The following GDI2 variants were observed in gnomAD, a reference collection of about 807,000 sequenced individuals.
The protein encoded by GDI2 is rab GDP dissociation inhibitor beta.
Under a neutral mutation model 54.2 loss-of-function variants are expected in GDI2, and 22 were observed. The observed-to-expected ratio is 0.41, with a 90% confidence interval of 0.29 to 0.58. The LOEUF (loss-of-function observed/expected upper bound fraction) is 0.58, where lower values mean the gene tolerates loss of function less well. GDI2 is among the 20% of genes least tolerant of loss of function. GDI2 has a pLI of 0.35. For missense variants in GDI2, 422 were observed against 546.0 expected (o/e 0.77, Z 2.26); for synonymous variants, 177 against 182.1 (o/e 0.97, Z 0.23).
intron 1 of GDI2, among the ~76,000 whole-genome samples, chr10:5,811,019 G>A (rs1248606889): frequency 3.3e-5 from 5 of 152,162 alleles, no homozygotes; most frequent in African/African-American, 1.2e-4. Flanking sequence ...AGGCACTAAA[G>A]TAAATTTTAA....
At chr10:5,795,132 AAAT>A in intron 3 of GDI2, 113 bp from the exon 4 acceptor site, 1 of 683,954 alleles carries the variant, frequency 1.5e-6, no homozygotes, top group South Asian at 1.8e-5. Flanking sequence ...AACTCCAACA[AAAT>A]AATTTTTTTT....
rs1029295030 is a variant in GDI2 at position 5,768,481 on chromosome 10, T to TCAA, written c.820-100_820-98dup. The stretch of plus-strand genomic sequence containing the variant: ...TGGAAGACTTAGTATTGTTAAGATA[T>TCAA]CAAAAACCATCCTCAAGTTCATATT... On this transcript the variant is annotated intron_variant, in intron 7 of 10. Coordinates refer to ENST00000380191, the MANE Select transcript of GDI2 (RefSeq NM_001494.4). This position sits in a 1 kb window ranked among gnomAD's most constrained non-coding sequence, Gnocchi z 4.4. 4.0e-6 allele frequency: 3 copies of TCAA among 743,670 alleles called. No individual in the cohort carries two copies. In the African/African-American group the frequency reaches 5.3e-5, roughly 13 times the overall value. 46.1% of individuals were successfully genotyped at this position (743,670 alleles called of 1,614,324 possible). A position where few individuals can be genotyped will look rare whatever the true frequency, so the allele number is the denominator to read the frequency against.
rs991271558 is a variant in GDI2, at chr10:5,774,630, C to A, written c.720-689G>T. Reference sequence around the variant, plus strand: ...TCGCTCACCCTGATGGATGGCTCTTCGGGGTCCACACTGAGCAGACCTGAG... The same window carrying A: ...TCGCTCACCCTGATGGATGGCTCTTAGGGGTCCACACTGAGCAGACCTGAG... On this transcript the variant is annotated intron_variant, in intron 6 of 10. Transcript: ENST00000380191. The surrounding 1 kb of genome is among the most constrained non-coding windows in gnomAD (Gnocchi z 4.8). Among the ~76,000 whole-genome samples, 1 of 152,134 alleles carries A rather than the reference C, an allele frequency of 6.6e-6. No individual in the cohort carries two copies. The highest frequency in any genetic ancestry group is 2.1e-4 in the South Asian group (1 of 4,826).
chr10:5,782,649 A>G (rs181360485), intron 6 of GDI2, among the ~76,000 whole-genome samples: 62 of 152,288 alleles, frequency 4.1e-4, no homozygotes, highest in Admixed American at 4.1e-3. Flanking sequence ...AAAAAAAAGA[A>G]TTGGCCAGGC....
At chr10:5,811,444 GGCTTGTGGAA>G (rs1176404939) in intron 1 of GDI2, among the ~76,000 whole-genome samples, 1 of 152,124 alleles carries the variant, frequency 6.6e-6, no homozygotes, top group Non-Finnish European at 1.5e-5. Context: ...ATGTGAACGA[GGCTTGTGGAA>G]GCCTGCATGA....
intron 1 of GDI2, among the ~76,000 whole-genome samples, chr10:5,809,504 A>AT (rs1311323775): frequency 6.6e-6 from 1 of 152,114 alleles, no homozygotes; most frequent in Non-Finnish European, 1.5e-5. Flanking sequence ...CCTTGCCAAT[A>AT]TTTTTTTAAA....
At chr10:5,792,870 T>G (rs1469111343) in intron 4 of GDI2, among the ~76,000 whole-genome samples, 2 of 150,194 alleles carry the variant, frequency 1.3e-5, no homozygotes, top group African/African-American at 4.9e-5. Context: ...AACGATAATT[T>G]CTATTAGATG....
Position 5,776,213 on chromosome 10 carries a change from C to G in GDI2, c.720-2272G>C, listed in dbSNP as rs1840615947. ...ACAGTCTGAGCAGGCTCATTTTTCA[C>G]TGGAATTGCAAAGGAATAGGAAACA... is the stretch of plus-strand genomic sequence containing the variant. On this transcript the variant is annotated intron_variant, in intron 6 of 10. Transcript: ENST00000380191. This position sits in a 1 kb window ranked among gnomAD's most constrained non-coding sequence, Gnocchi z 5.3. 2.5e-6 allele frequency: 1 copy of G among 394,682 alleles called. No homozygotes were observed. Among genetic ancestry groups the G allele is most frequent in the South Asian group, 3.0e-5 (1 of 33,282 alleles). 24.4% of individuals were successfully genotyped at this position (394,682 alleles called of 1,614,324 possible). A position where few individuals can be genotyped will look rare whatever the true frequency, so the allele number is the denominator to read the frequency against.
At chr10:5,808,034 A>G (rs1217702727) in intron 1 of GDI2, among the ~76,000 whole-genome samples, 2 of 152,200 alleles carry the variant, frequency 1.3e-5, no homozygotes. Flanking sequence ...CTTCCTAGTG[A>G]CAAACTAAAC....
At chr10:5,786,712 A>G (rs1212654471) in intron 4 of GDI2, among the ~76,000 whole-genome samples, 1 of 136,882 alleles carries the variant, frequency 7.3e-6, no homozygotes, top group South Asian at 2.4e-4. Flanking sequence ...TCCCTTTGAC[A>G]ACTCTGATCT....
chr10:5,786,036 ACAATCC>A lies in GDI2; in HGVS notation c.397_402del (p.Gly133_Leu134del). On this transcript the variant is annotated inframe_deletion, in exon 5 of 11. Transcript: ENST00000380191. ...AATTTCCTGAAGCGACGTTTTTCAA[ACAATCC>A]CATTAGGCCTAAATAAAAAAGAATT... is the stretch of plus-strand genomic sequence containing the variant. 6.2e-7 allele frequency: 1 copy of A among 1,611,880 alleles called. No homozygotes were observed. The highest frequency in any genetic ancestry group is 8.5e-7 in the Non-Finnish European group (1 of 1,178,114).
intron 1 of GDI2, among the ~76,000 whole-genome samples, chr10:5,803,186 C>T (rs1841306885): frequency 6.6e-6 from 1 of 151,200 alleles, no homozygotes; most frequent in Non-Finnish European, 1.5e-5. Flanking sequence ...AGAAAATATA[C>T]TCAGGCAGAT....
At chr10:5,785,322 T>C (rs1003897095) in intron 5 of GDI2, 49 bp from the exon 6 acceptor site, 3 of 1,355,592 alleles carry the variant, frequency 2.2e-6, no homozygotes, top group Non-Finnish European at 2.0e-6. Context: ...TTTTCATTCA[T>C]GGTGTTCAAT....
At chr10:5,782,943 G>A (rs965202680) in intron 6 of GDI2, among the ~76,000 whole-genome samples, 2 of 152,038 alleles carry the variant, frequency 1.3e-5, no homozygotes, top group Non-Finnish European at 1.5e-5. Flanking sequence ...CCAAAAAAAA[G>A]AATTACTGAC....
intron 4 of GDI2, among the ~76,000 whole-genome samples, chr10:5,786,614 A>G (rs373808235): frequency 0.013 from 1,952 of 152,262 alleles, 37 homozygotes; most frequent in African/African-American, 0.045. Context: ...ACTTAACTGA[A>G]TGAAAAATGT....
At chr10:5,785,110 G>A in intron 6 of GDI2, 32 bp downstream of exon 6, 7 of 1,513,562 alleles carry the variant, frequency 4.6e-6, no homozygotes, top group Non-Finnish European at 5.4e-6. Flanking sequence ...ATGAGGTTTT[G>A]GATCACTGAG....
At chr10:5,807,604 G>A (rs1370157742) in intron 1 of GDI2, among the ~76,000 whole-genome samples, 1 of 152,164 alleles carries the variant, frequency 6.6e-6, no homozygotes, top group African/African-American at 2.4e-5. Flanking sequence ...TATGACACTA[G>A]CATCTGCCAC....
At chr10:5,794,853 A>G (rs1841112291) in intron 4 of GDI2, 32 bp downstream of exon 4, 1 of 1,447,370 alleles carries the variant, frequency 6.9e-7, no homozygotes, top group South Asian at 1.2e-5. Context: ...GAGAAAATAA[A>G]ACTAGTTACT....
At position 5,766,313 on chromosome 10, in the gene GDI2, TCA is replaced by T. The variant is rs111749954; in HGVS notation, c.1137-20_1137-19del. ...TAACAAATCTGGAGGGAGAGAGAAT[TCA>T]GTCAGGTGAGCTGGTCCCACACCTG... On this transcript the variant is annotated intron_variant, in intron 9 of 10. Transcript: ENST00000380191. This position sits in a 1 kb window ranked among gnomAD's most constrained non-coding sequence, Gnocchi z 5.8. The T allele has an allele frequency of 2.1e-5, 34 of 1,604,488 alleles. No homozygotes were observed. In the African/African-American group the frequency reaches 2.5e-4, roughly 12 times the overall value.
Sources: gnomAD v4.1 joint callset for allele counts (sites outside exome capture counted in the v4.1 genomes callset) on GRCh38, gnomAD v4.1.1 for gene constraint, Gnocchi (gnomAD v3.1) non-coding constraint, MANE v1.5 for transcripts, NCBI Gene and HGNC (gene_info 2026-07-23, HGNC 2026-07-21) for gene names.